ZFHX4: variants seen among roughly 807,000 people sequenced by gnomAD.
ZFHX4 encodes the protein zinc finger homeobox protein 4.
In ZFHX4, 56 loss-of-function variants were observed where a neutral mutation model predicts 267.6. That is an observed-to-expected ratio of 0.21 (90% confidence interval 0.17 to 0.26). ZFHX4 has a LOEUF of 0.26. ZFHX4 is among the 10% of genes least tolerant of loss of function. The probability of loss-of-function intolerance (pLI) is 1.00; values close to 1 mark genes in which losing one functional copy is unlikely to be tolerated. For synonymous variants in ZFHX4, 1,778 were observed against 1,665.6 expected (o/e 1.07, Z -1.64); for missense variants, 4,332 against 4,420.0 (o/e 0.98, Z 0.56).
At position 76,707,529 on chromosome 8, in the gene ZFHX4, A is replaced by AT. The variant is rs557845990; in HGVS notation, c.2591-8dup. ...TTTCTAGTCTCTATTTTTCCTTTTA[A>AT]TTTTTTTTTCCTGTAGTAAATAATG... is the stretch of plus-strand genomic sequence containing the variant. On this transcript the variant is annotated splice_polypyrimidine_tract_variant and intron_variant, in intron 2 of 10. Transcript: ENST00000651372. 2.4e-4 allele frequency: 361 copies of AT among 1,486,858 alleles called. No individual in the cohort carries two copies. The African/African-American group carries it at 2.5e-3, about 10-fold the overall frequency. 92.1% of individuals were successfully genotyped at this position (1,486,858 alleles called of 1,614,324 possible).
At chr8:76,727,711 A>G (rs919822458) in intron 3 of ZFHX4, among the ~76,000 whole-genome samples, 3 of 152,204 alleles carry the variant, frequency 2.0e-5, no homozygotes, top group African/African-American at 7.2e-5. Flanking sequence ...GAAATTCCTA[A>G]GAAGCTATTT....
At chr8:76,838,989 A>G (rs1422702416) in intron 5 of ZFHX4, among the ~76,000 whole-genome samples, 1 of 151,178 alleles carries the variant, frequency 6.6e-6, no homozygotes, top group Non-Finnish European at 1.5e-5. Context: ...CAGGAGACAG[A>G]AGTTGCATGA....
chr8:76,753,620 G>A (rs145100202), intron 3 of ZFHX4, among the ~76,000 whole-genome samples: 29 of 141,024 alleles, frequency 2.1e-4, no homozygotes, highest in Non-Finnish European at 4.3e-4. Context: ...CACTTCATTC[G>A]TCTTAGGCCT....
At chr8:76,718,210 A>T (rs1228219086) in intron 3 of ZFHX4, among the ~76,000 whole-genome samples, 2 of 152,190 alleles carry the variant, frequency 1.3e-5, no homozygotes, top group African/African-American at 4.8e-5. Context: ...TGTTTTTTTG[A>T]AAAAGATTGA....
chr8:76,816,590 CTT>C (rs950143569), intron 4 of ZFHX4, among the ~76,000 whole-genome samples: 30 of 113,008 alleles, frequency 2.7e-4, no homozygotes, highest in South Asian at 1.5e-3. Flanking sequence ...ATTTAAATGT[CTT>C]TTTTTTTTTT....
intron 4 of ZFHX4, among the ~76,000 whole-genome samples, chr8:76,818,077 C>A (rs16939372): frequency 2.6e-5 from 4 of 152,030 alleles, no homozygotes; most frequent in Admixed American, 2.6e-4. Context: ...CACCATAAAC[C>A]AGGTAAATTA....
chr8:76,754,375 G>A (rs1809707993), intron 3 of ZFHX4, among the ~76,000 whole-genome samples: 1 of 152,044 alleles, frequency 6.6e-6, no homozygotes, highest in South Asian at 2.1e-4. Flanking sequence ...TGTAATCCCA[G>A]ATACGCGGGA....
At chr8:76,746,021 C>T (rs930743251) in intron 3 of ZFHX4, among the ~76,000 whole-genome samples, 6 of 152,188 alleles carry the variant, frequency 3.9e-5, no homozygotes, top group Admixed American at 3.9e-4. Flanking sequence ...ACAGTGGTTT[C>T]TGGTAACATA....
At position 76,716,038 on chromosome 8, in the gene ZFHX4, G is replaced by A. The variant is rs77553369; in HGVS notation, c.3093+7990G>A. ...CTGCTAATAAAATTATTGGAATGCA[G>A]GGCTGAATGTGGGAAGAAATGATCT... On this transcript the variant is annotated intron_variant, in intron 3 of 10. Coordinates refer to ENST00000651372, the MANE Select transcript of ZFHX4 (RefSeq NM_024721.5). 5.9e-5 allele frequency among the ~76,000 whole-genome samples: 9 copies of A among 152,324 alleles called. No homozygotes were observed. The East Asian group carries it at 1.7e-3, about 29-fold the overall frequency.
chr8:76,806,334 C>T (rs1030202113), intron 4 of ZFHX4, among the ~76,000 whole-genome samples: 1 of 152,052 alleles, frequency 6.6e-6, no homozygotes, highest in African/African-American at 2.4e-5. Flanking sequence ...TGAGATCTGA[C>T]CAGTGGACTA....
intron 1 of ZFHX4, among the ~76,000 whole-genome samples, chr8:76,683,601 A>C (rs868208144): frequency 6.0e-5 from 9 of 151,074 alleles, no homozygotes; most frequent in Middle Eastern, 3.4e-3. Flanking sequence ...GATCATGTAG[A>C]TGGCAAAAAG....
chr8:76,760,543 A>C (rs1306350017), intron 3 of ZFHX4, among the ~76,000 whole-genome samples: 1 of 152,058 alleles, frequency 6.6e-6, no homozygotes, highest in Non-Finnish European at 1.5e-5. Context: ...TGCATTATGG[A>C]GCTGTGAAGG....
intron 3 of ZFHX4, among the ~76,000 whole-genome samples, chr8:76,740,616 G>A (rs538027768): frequency 3.9e-5 from 6 of 152,222 alleles, no homozygotes; most frequent in Admixed American, 2.0e-4. Context: ...GAGAGGGGAA[G>A]TATTTAAAAG....
chr8:76,862,991 A>T, intron 10 of ZFHX4, 103 bp from the exon 11 acceptor site: 1 of 1,410,898 alleles, frequency 7.1e-7, no homozygotes, highest in Non-Finnish European at 9.2e-7. Flanking sequence ...ATCTTTTCTG[A>T]TATAGCAATG....
chr8:76,729,793 C>G (rs1374837655), intron 3 of ZFHX4, among the ~76,000 whole-genome samples: 2 of 152,136 alleles, frequency 1.3e-5, no homozygotes, highest in Non-Finnish European at 2.9e-5. Context: ...TTGAAAAGCT[C>G]CAGACCAGGG....
intron 3 of ZFHX4, among the ~76,000 whole-genome samples, chr8:76,754,405 C>G (rs1809709327): frequency 1.3e-5 from 2 of 152,054 alleles, no homozygotes; most frequent in Non-Finnish European, 2.9e-5. Flanking sequence ...AGGAGAATCA[C>G]TTGAGACCAA....
At chr8:76,735,049 C>T (rs925578923) in intron 3 of ZFHX4, among the ~76,000 whole-genome samples, 1 of 152,044 alleles carries the variant, frequency 6.6e-6, no homozygotes, top group Admixed American at 6.6e-5. Flanking sequence ...GGGTTATGAT[C>T]TGATTGATAG....
chr8:76,856,306 T>C lies in ZFHX4; in HGVS notation c.9379+6T>C. Reference sequence around the variant, plus strand: ...ATTTCCACAAAATTCAAACAGTAAGTCATTTAAAGGAGACTCAGTCTAGTT... The same window carrying C: ...ATTTCCACAAAATTCAAACAGTAAGCCATTTAAAGGAGACTCAGTCTAGTT... On this transcript the variant is annotated splice_donor_region_variant and intron_variant, in intron 10 of 10. Transcript: ENST00000651372. The C allele has an allele frequency of 6.2e-7, 1 of 1,613,518 alleles. No homozygotes were observed. Among genetic ancestry groups the C allele is most frequent in the Non-Finnish European group, 8.5e-7 (1 of 1,179,734 alleles).
At chr8:76,728,357 T>A (rs1423050265) in intron 3 of ZFHX4, among the ~76,000 whole-genome samples, 1 of 152,166 alleles carries the variant, frequency 6.6e-6, no homozygotes, top group Non-Finnish European at 1.5e-5. Flanking sequence ...AGTATGAAAA[T>A]CTCCAAACCT....
Sources: gnomAD v4.1 joint callset for allele counts (sites outside exome capture counted in the v4.1 genomes callset) on GRCh38, gnomAD v4.1.1 for gene constraint, MANE v1.5 for transcripts, NCBI Gene and HGNC (gene_info 2026-07-23, HGNC 2026-07-21) for gene names.